The following AFTPH variants were observed in gnomAD, a reference collection of about 807,000 sequenced individuals.
AFTPH encodes aftiphilin protein.
In AFTPH, 7 loss-of-function variants were observed where a neutral mutation model predicts 72.5. The observed-to-expected ratio is 0.10, with a 90% CI of 0.05 to 0.18. The LOEUF is 0.18. Ranked by LOEUF, AFTPH falls within the 10% of genes least tolerant of loss-of-function variation. The pLI is 1.00. For missense variants in AFTPH, 979 were observed against 1,060.5 expected (o/e 0.92, Z 1.07); for synonymous variants, 337 against 370.1 (o/e 0.91, Z 1.03).
intron 6 of AFTPH, among the ~76,000 whole-genome samples, chr2:64,577,780 T>C (rs1672914267): frequency 1.3e-5 from 2 of 152,234 alleles, no homozygotes; most frequent in Admixed American, 1.3e-4. Context: ...TATAGATTCA[T>C]AGGAAGTTGC....
chr2:64,542,232 T>TA (rs969609699), intron 1 of AFTPH, among the ~76,000 whole-genome samples: 2 of 152,130 alleles, frequency 1.3e-5, no homozygotes, highest in African/African-American at 2.4e-5. Context: ...GCCTCTTACT[T>TA]AGAGACACTC....
chr2:64,529,348 A>G (rs1423314543), intron 1 of AFTPH, among the ~76,000 whole-genome samples: 2 of 148,786 alleles, frequency 1.3e-5, no homozygotes, highest in African/African-American at 2.5e-5. Context: ...TCTCTTCCCA[A>G]TCAAGTGTGA....
intron 7 of AFTPH, among the ~76,000 whole-genome samples, 168 bp downstream of exon 8, chr2:64,581,441 G>T (rs774601804): frequency 6.6e-6 from 1 of 152,086 alleles, no homozygotes; most frequent in Non-Finnish European, 1.5e-5. Context: ...ACAAAAAAAT[G>T]ACTTATGTAT....
intron 6 of AFTPH, chr2:64,578,992 A>G (rs1474251645): frequency 1.3e-5 from 2 of 152,718 alleles, no homozygotes; most frequent in African/African-American, 2.4e-5. Flanking sequence ...CTGGTATCTA[A>G]TAAGTAATTT....
At chr2:64,570,671 T>G (rs971973922) in intron 5 of AFTPH, among the ~76,000 whole-genome samples, 2 of 152,218 alleles carry the variant, frequency 1.3e-5, no homozygotes, top group East Asian at 3.8e-4. Context: ...TTTCTCTTTT[T>G]CTCAAGGAGT....
chr2:64,548,682 G>A (rs75668815), intron 1 of AFTPH, among the ~76,000 whole-genome samples: 2,711 of 152,138 alleles, frequency 0.018, 68 homozygotes, highest in East Asian at 0.11. Flanking sequence ...TTAAATAATA[G>A]GAACTTCATA....
intron 3 of AFTPH, 77 bp downstream of exon 3, chr2:64,567,790 A>T (rs921168970): frequency 1.3e-6 from 2 of 1,508,988 alleles, no homozygotes; most frequent in Non-Finnish European, 1.8e-6. Flanking sequence ...TTATCTTAAA[A>T]CATTAAGGTT....
chr2:64,579,707 C>A (rs542731622), intron 7 of AFTPH, 161 bp downstream of exon 7: 21 of 573,418 alleles, frequency 3.7e-5, no homozygotes, highest in Non-Finnish European at 5.7e-5. Flanking sequence ...GCTCAAGAAA[C>A]CAGCCGTTAC....
intron 1 of AFTPH, among the ~76,000 whole-genome samples, chr2:64,537,664 T>C (rs1350725295): frequency 6.6e-6 from 1 of 152,196 alleles, no homozygotes; most frequent in Non-Finnish European, 1.5e-5. Context: ...TTATGTTATG[T>C]TTGTATGTTT....
At chr2:64,578,385 A>C (rs79796284) in intron 6 of AFTPH, among the ~76,000 whole-genome samples, 1 of 152,146 alleles carries the variant, frequency 6.6e-6, no homozygotes, top group African/African-American at 2.4e-5. Context: ...TTTTAACACC[A>C]TCCCCAAAAG....
intron 7 of AFTPH, among the ~76,000 whole-genome samples, chr2:64,585,090 T>C (rs1444579285): frequency 6.6e-6 from 1 of 152,198 alleles, no homozygotes; most frequent in Non-Finnish European, 1.5e-5. Flanking sequence ...ACATTGATAA[T>C]TTTATATCAC....
At chr2:64,562,513 C>A (rs1000329305) in intron 2 of AFTPH, among the ~76,000 whole-genome samples, 17 of 152,112 alleles carry the variant, frequency 1.1e-4, no homozygotes, top group Non-Finnish European at 2.2e-4. Context: ...AGCACCTACA[C>A]TGAAACTATA....
At chr2:64,533,209 G>A (rs10185129) in intron 1 of AFTPH, among the ~76,000 whole-genome samples, 2,713 of 152,098 alleles carry the variant, frequency 0.018, 70 homozygotes, top group East Asian at 0.11. Context: ...ACCAGCCTGG[G>A]CAACATGACA....
chr2:64,536,137 C>T (rs1669871656), intron 1 of AFTPH, among the ~76,000 whole-genome samples: 1 of 152,164 alleles, frequency 6.6e-6, no homozygotes, highest in Non-Finnish European at 1.5e-5. Flanking sequence ...ATAGGAGATA[C>T]ATCTGAGACA....
At chr2:64,557,549 G>T (rs1000817590) in intron 2 of AFTPH, among the ~76,000 whole-genome samples, 2 of 152,102 alleles carry the variant, frequency 1.3e-5, no homozygotes, top group Non-Finnish European at 2.9e-5. Flanking sequence ...GTGCAATCTC[G>T]GCTCACTGCA....
At chr2:64,567,508 A>G (rs748335054) in intron 2 of AFTPH, 54 bp from the exon 3 acceptor site, 5 of 1,556,142 alleles carry the variant, frequency 3.2e-6, no homozygotes, top group Admixed American at 1.9e-5. Flanking sequence ...TGCTATAACT[A>G]TGATATTATC....
intron 1 of AFTPH, among the ~76,000 whole-genome samples, chr2:64,530,580 T>C (rs1283530446): frequency 6.6e-6 from 1 of 152,162 alleles, no homozygotes; most frequent in East Asian, 1.9e-4. Flanking sequence ...AGAGGGATAA[T>C]AGAAGAAAAA....
At chr2:64,534,950 C>G (rs993365700) in intron 1 of AFTPH, among the ~76,000 whole-genome samples, 5 of 151,892 alleles carry the variant, frequency 3.3e-5, no homozygotes, top group Non-Finnish European at 7.4e-5. Context: ...TAACTTTGAT[C>G]CTTTTAAGTA....
chr2:64,588,079 G>A (rs938353100), intron 8 of AFTPH, among the ~76,000 whole-genome samples: 11 of 152,070 alleles, frequency 7.2e-5, no homozygotes, highest in Non-Finnish European at 1.3e-4. Context: ...ACCCCAAAAA[G>A]AAACCCTGTA....
Sources: allele counts gnomAD v4.1 joint callset (sites outside exome capture counted in the v4.1 genomes callset), GRCh38; gene constraint gnomAD v4.1.1; transcripts MANE v1.5; gene names NCBI Gene and HGNC (gene_info 2026-07-23, HGNC 2026-07-21).